PID1: variants seen among roughly 807,000 people sequenced by gnomAD.
PID1 encodes the protein PTB-containing, cubilin and LRP1-interacting protein.
In PID1, 10 loss-of-function variants were observed where a neutral mutation model predicts 19.1. That is an observed-to-expected ratio of 0.52 (90% CI 0.32 to 0.89). The LOEUF (loss-of-function observed/expected upper bound fraction) is 0.89. Ranked by LOEUF, PID1 falls within the 40% of genes least tolerant of loss-of-function variation. The probability of loss-of-function intolerance (pLI) is 0.03; values close to 1 mark genes in which losing one functional copy is unlikely to be tolerated. For missense variants in PID1, 248 were observed against 285.3 expected (o/e 0.87, Z 0.94); for synonymous variants, 130 against 116.0 (o/e 1.12, Z -0.78).
chr2:229,223,673 T>G (rs1039369905), intron 1 of PID1, among the ~76,000 whole-genome samples: 6 of 152,248 alleles, frequency 3.9e-5, no homozygotes, highest in African/African-American at 1.4e-4. Flanking sequence ...CAACACTGTC[T>G]GCCATGGGGC....
At chr2:229,057,139 G>T (rs1694119593) in intron 2 of PID1, among the ~76,000 whole-genome samples, 1 of 151,886 alleles carries the variant, frequency 6.6e-6, no homozygotes, top group East Asian at 1.9e-4. Flanking sequence ...GAACGTAAAA[G>T]TTAAAAACAA....
intron 1 of PID1, among the ~76,000 whole-genome samples, chr2:229,222,522 C>T (rs1334798107): frequency 6.6e-6 from 1 of 152,028 alleles, no homozygotes; most frequent in Non-Finnish European, 1.5e-5. Context: ...CTTGACTGGA[C>T]CACAGGGTGC....
chr2:229,254,223 C>T (rs1159897012), intron 1 of PID1, among the ~76,000 whole-genome samples: 1 of 151,882 alleles, frequency 6.6e-6, no homozygotes, highest in Non-Finnish European at 1.5e-5. Context: ...GAATAGTTCC[C>T]CAAAGCAAAA....
intron 2 of PID1, among the ~76,000 whole-genome samples, chr2:229,152,663 A>AC: frequency 6.6e-6 from 1 of 152,020 alleles, no homozygotes; most frequent in African/African-American, 2.4e-5. Context: ...CTCCAGAAAA[A>AC]AAAAAAAAAG....
At chr2:229,240,058 A>G (rs1689833432) in intron 1 of PID1, among the ~76,000 whole-genome samples, 1 of 152,186 alleles carries the variant, frequency 6.6e-6, no homozygotes, top group South Asian at 2.1e-4. Flanking sequence ...CAACAGCCCA[A>G]AGCCATTCAA....
intron 2 of PID1, among the ~76,000 whole-genome samples, chr2:229,082,438 C>T (rs1694686341): frequency 6.6e-6 from 1 of 152,232 alleles, no homozygotes; most frequent in Non-Finnish European, 1.5e-5. Context: ...TTGCCAGTGT[C>T]ATTAAGGTTA....
At chr2:229,180,312 A>T (rs1201799344) in intron 1 of PID1, among the ~76,000 whole-genome samples, 2 of 152,208 alleles carry the variant, frequency 1.3e-5, no homozygotes, top group African/African-American at 4.8e-5. Context: ...TTAGTAATCC[A>T]TCTAAAGTGC....
At chr2:229,200,837 A>AT (rs1691483742) in intron 1 of PID1, among the ~76,000 whole-genome samples, 1 of 152,100 alleles carries the variant, frequency 6.6e-6, no homozygotes, top group Non-Finnish European at 1.5e-5. Context: ...AAGTCAAATG[A>AT]GCAGGTCACA....
chr2:229,155,857 G>A lies in PID1; in HGVS notation c.138C>T (p.Thr46=), dbSNP rs1171293077. The A allele has an allele frequency of 1.9e-6, 3 of 1,613,596 alleles. No individual in the cohort carries two copies. The highest frequency in any genetic ancestry group is 2.7e-5 in the African/African-American group (2 of 74,912). Residue 46 remains threonine, a synonymous_variant, in exon 2 of 3, where the codon ACC becomes ACT. Coordinates refer to ENST00000392055, the MANE Select transcript of PID1 (RefSeq NM_001100818.2). The part of the protein sequence containing the change: ...HEPEAIELCT[T]TPLMKTRTHS... The stretch of plus-strand genomic sequence containing the variant: ...GAGTCCTTGTCTTCATCAGCGGTGT[G>A]GTCGTGCACAGCTCAATGGCCTCCG...
intron 1 of PID1, among the ~76,000 whole-genome samples, chr2:229,199,739 T>TATAC (rs1691454740): frequency 7.4e-6 from 1 of 135,474 alleles, no homozygotes; most frequent in Non-Finnish European, 1.6e-5. Flanking sequence ...TATATATATA[T>TATAC]ATATATACAC....
intron 2 of PID1, among the ~76,000 whole-genome samples, chr2:229,109,314 T>C (rs1039008327): frequency 6.6e-6 from 1 of 152,092 alleles, no homozygotes; most frequent in Admixed American, 6.5e-5. Context: ...CGAGTTCTAA[T>C]ATAGTGTATT....
intron 2 of PID1, among the ~76,000 whole-genome samples, chr2:229,105,992 T>G (rs767586327): frequency 4.5e-4 from 65 of 145,980 alleles, no homozygotes; most frequent in Admixed American, 1.0e-3. Flanking sequence ...GGCAGGAGAA[T>G]AGAGTGAACC....
intron 2 of PID1, among the ~76,000 whole-genome samples, chr2:229,139,124 A>AGAAAGAAAGAAAGAAAGAAAG (rs1689952169): frequency 9.0e-6 from 1 of 110,588 alleles, no homozygotes; most frequent in African/African-American, 3.7e-5. Flanking sequence ...AGAGAAAGAA[A>AGAAAGAAAGAAAGAAAGAAAG]GAAAGAAAGA....
chr2:229,040,532 TTAAC>T (rs553178969), intron 2 of PID1, among the ~76,000 whole-genome samples: 142 of 152,312 alleles, frequency 9.3e-4, no homozygotes, highest in Admixed American at 5.2e-3. Context: ...TGATACTTCT[TTAAC>T]TATACCTTTT....
rs139849594 is a variant in PID1, at chr2:229,255,904, G to A, written c.30+15110C>T. On this transcript the variant is annotated intron_variant, in intron 1 of 2. Coordinates refer to ENST00000392055, the MANE Select transcript of PID1 (RefSeq NM_001100818.2). ...ACTCCATCGCACAGCTCTCAAAATA[G>A]AGGGGACAGAAGTTGGCCTCCATGC... Among the ~76,000 whole-genome samples, 370 of 152,314 alleles carry A rather than the reference G, an allele frequency of 2.4e-3. 2 individuals are homozygous for A. The highest frequency in any genetic ancestry group is 4.3e-3 in the Non-Finnish European group (294 of 68,028).
chr2:229,253,588 A>G (rs1317083938), intron 1 of PID1, among the ~76,000 whole-genome samples: 2 of 47,812 alleles, frequency 4.2e-5, no homozygotes, highest in Non-Finnish European at 9.1e-5. Context: ...AAGAAATTCC[A>G]AGCAAAAAAA....
At chr2:229,250,005 T>C (rs762282236) in intron 1 of PID1, among the ~76,000 whole-genome samples, 4 of 152,206 alleles carry the variant, frequency 2.6e-5, no homozygotes, top group Admixed American at 6.5e-5. Flanking sequence ...AACCAAAGCA[T>C]CAAAGCAACT....
intron 2 of PID1, among the ~76,000 whole-genome samples, chr2:229,139,061 A>AAGAAAGAAAG (rs1689937104): frequency 1.2e-4 from 5 of 41,866 alleles, no homozygotes; most frequent in East Asian, 6.7e-4. Flanking sequence ...AAGAAAGAGA[A>AAGAAAGAAAG]AGAAAGAAAG....
At chr2:229,064,134 C>A (rs1026539706) in intron 2 of PID1, among the ~76,000 whole-genome samples, 3 of 152,128 alleles carry the variant, frequency 2.0e-5, no homozygotes, top group African/African-American at 7.2e-5. Context: ...ATAACATGCA[C>A]AGATCTTTTA....
Sources: allele counts gnomAD v4.1 joint callset (sites outside exome capture counted in the v4.1 genomes callset), GRCh38; gene constraint gnomAD v4.1.1; transcripts MANE v1.5; gene names NCBI Gene and HGNC (gene_info 2026-07-23, HGNC 2026-07-21).